Variants in MYCBP2 observed in about 807,000 individuals in gnomAD.
MYCBP2 encodes the protein MYC binding protein 2.
A neutral mutation model predicts 525.3 loss-of-function variants in MYCBP2; 120 were observed. The observed-to-expected ratio is 0.23, with a 90% CI of 0.20 to 0.27. The LOEUF is 0.27. MYCBP2 is among the 10% of genes least tolerant of loss of function. The probability of loss-of-function intolerance (pLI) is 1.00; values close to 1 mark genes in which losing one functional copy is unlikely to be tolerated. For synonymous variants in MYCBP2, 1,894 were observed against 1,955.8 expected (o/e 0.97, Z 0.83); for missense variants, 4,149 against 5,657.1 (o/e 0.73, Z 8.55).
At chr13:77,130,042 A>C (rs1255099886) in intron 52 of MYCBP2, among the ~76,000 whole-genome samples, 1 of 151,832 alleles carries the variant, frequency 6.6e-6, no homozygotes, top group Non-Finnish European at 1.5e-5. Flanking sequence ...TCTTCACAAA[A>C]TGTTTTACTG....
chr13:77,259,318 T>C (rs193207586), intron 13 of MYCBP2, among the ~76,000 whole-genome samples: 3 of 152,134 alleles, frequency 2.0e-5, no homozygotes, highest in Non-Finnish European at 2.9e-5. Context: ...AACCATTCAA[T>C]ACCACTTCCC....
At position 77,098,650 on chromosome 13, in the gene MYCBP2, G is replaced by A. The variant is rs762606037; in HGVS notation, c.8504C>T (p.Ser2835Leu). 2.5e-6 allele frequency: 4 copies of A among 1,613,552 alleles called. No individual in the cohort carries two copies. Among genetic ancestry groups the A allele is most frequent in the South Asian group, 2.2e-5 (2 of 91,058 alleles). Residue 2835 changes from serine (S) to leucine (L), a missense_variant, in exon 56 of 83, where the codon TCG becomes TTG. Coordinates refer to ENST00000544440, the MANE Select transcript of MYCBP2 (RefSeq NM_015057.5). ...GGAGGAGCGTGGAGAACTAGCACCC[G>A]ATGGGCTAGACCTATTGGCTGGGAG... ...KTLPANRSSP[S>L]GASSPRSSSP...
intron 3 of MYCBP2, among the ~76,000 whole-genome samples, chr13:77,287,772 GC>G (rs1359429670): frequency 6.6e-6 from 1 of 152,060 alleles, no homozygotes; most frequent in African/African-American, 2.4e-5. Context: ...GCTTTCCAGG[GC>G]TCTTGGCTTT....
chr13:77,062,561 A>C, intron 74 of MYCBP2, 35 bp downstream of exon 74: 3 of 1,562,184 alleles, frequency 1.9e-6, no homozygotes, highest in Non-Finnish European at 2.6e-6. Flanking sequence ...CTGTAAAGGA[A>C]AGCAAGATAA....
chr13:77,097,476 C>T lies in MYCBP2; in HGVS notation c.9678G>A (p.Glu3226=), dbSNP rs141406246. The T allele has an allele frequency of 1.9e-6, 3 of 1,613,420 alleles. No homozygotes were observed. Among genetic ancestry groups the T allele is most frequent in the African/African-American group, 1.3e-5 (1 of 75,022 alleles). Residue 3226 remains glutamate, a synonymous_variant, in exon 56 of 83, where the codon GAG becomes GAA. Coordinates refer to ENST00000544440, the MANE Select transcript of MYCBP2 (RefSeq NM_015057.5). ...EVRPRGNLFG[E]MAQLAVGGPE... ...GTCCTCCTACTGCCAGCTGGGCCAT[C>T]TCTCCAAACAAATTACCCCTGGGCC...
intron 23 of MYCBP2, among the ~76,000 whole-genome samples, chr13:77,207,296 T>A (rs1427219495): frequency 6.6e-6 from 1 of 152,192 alleles, no homozygotes; most frequent in Non-Finnish European, 1.5e-5. Context: ...ACAGATAGAA[T>A]GGATGTGGAT....
At chr13:77,090,710 G>A (rs879304664) in intron 59 of MYCBP2, 1 of 152,320 alleles carries the variant, frequency 6.6e-6, no homozygotes, top group Non-Finnish European at 1.5e-5. Flanking sequence ...TGTTCTGTGA[G>A]GTTTCTCACT....
intron 31 of MYCBP2, 26 bp downstream of exon 31, chr13:77,185,845 A>AGTC: frequency 3.4e-6 from 5 of 1,490,032 alleles, no homozygotes; most frequent in Non-Finnish European, 4.5e-6. Flanking sequence ...TTCTCCCTAT[A>AGTC]GTCATTTAAA....
In MYCBP2 at chr13:77,057,523, G is replaced by A. The variant is rs946255527; in HGVS notation, c.13330-430C>T. Among the ~76,000 whole-genome samples the A allele has an allele frequency of 2.0e-5, 3 of 152,288 alleles. No individual in the cohort carries two copies. The South Asian group carries it at 6.2e-4, about 32-fold the overall frequency. On this transcript the variant is annotated intron_variant, in intron 78 of 82. Coordinates refer to ENST00000544440, the MANE Select transcript of MYCBP2 (RefSeq NM_015057.5). ...AAACCTATTTAGTGCACAGTAACTT[G>A]TGTATGTATAGAAGTATGTATCATT...
chr13:77,048,156 T>C lies in MYCBP2; in HGVS notation c.13922-2663A>G, dbSNP rs374562517. On this transcript the variant is annotated intron_variant, in intron 82 of 82. Coordinates refer to ENST00000544440, the MANE Select transcript of MYCBP2 (RefSeq NM_015057.5). ...GGAGCTGTGGGAGGTGATGAGGTCA[T>C]GGGGTGGAATCCATGAATGGGATTA... is the stretch of plus-strand genomic sequence containing the variant. Among the ~76,000 whole-genome samples the C allele has an allele frequency of 3.9e-5, 6 of 152,110 alleles. No individual in the cohort carries two copies. The East Asian group carries it at 1.2e-3, about 29-fold the overall frequency.
At chr13:77,101,761 A>G (rs986162904) in intron 55 of MYCBP2, among the ~76,000 whole-genome samples, 1 of 151,838 alleles carries the variant, frequency 6.6e-6, no homozygotes, top group Non-Finnish European at 1.5e-5. Context: ...TTTATATATT[A>G]AAAAAAACTA....
At position 77,210,080 on chromosome 13, in the gene MYCBP2, C is replaced by T. The variant is rs139807523; in HGVS notation, c.3416+1087G>A. The stretch of plus-strand genomic sequence containing the variant: ...CCGCAAAAGGAAAGAAGTGCTCAGC[C>T]CTGTGATGAGCCACTGTGGTGATGG... On this transcript the variant is annotated intron_variant, in intron 23 of 82. Transcript: ENST00000544440. 1.2e-4 allele frequency among the ~76,000 whole-genome samples: 19 copies of T among 152,268 alleles called. No individual in the cohort carries two copies. In the East Asian group the frequency reaches 3.5e-3, roughly 28 times the overall value.
chr13:77,162,737 A>T (rs954412242), intron 43 of MYCBP2, among the ~76,000 whole-genome samples: 5 of 151,956 alleles, frequency 3.3e-5, no homozygotes, highest in African/African-American at 9.7e-5. Context: ...GCTCACTGCA[A>T]CCTCCACCTC....
Position 77,273,539 on chromosome 13 carries a change from C to T in MYCBP2, c.878G>A (p.Gly293Glu). 1 of 1,613,612 alleles carries T rather than the reference C, an allele frequency of 6.2e-7. No individual in the cohort carries two copies. The highest frequency in any genetic ancestry group is 8.5e-7 in the Non-Finnish European group (1 of 1,179,800). The change falls in exon 5 of 83, where the codon GGA becomes GAA. Residue 293 changes from glycine to glutamate, a missense_variant. This residue lies in a region of MYCBP2 where 413 missense variants were observed against 451.2 expected (regional missense o/e 0.92). Transcript: ENST00000544440. ...FSLVASWGETGRTLQAISAIL... is the reference protein window; with the variant it reads ...FSLVASWGETERTLQAISAIL... ...AGCAGAGATGGCCTGAAGTGTCCTT[C>T]CTGTTTCTCCCCAAGAAGCCACCAG... is the stretch of plus-strand genomic sequence containing the variant.
intron 55 of MYCBP2, among the ~76,000 whole-genome samples, chr13:77,108,709 T>A (rs79678147): frequency 0.037 from 5,362 of 143,460 alleles, 232 homozygotes; most frequent in East Asian, 0.18. Flanking sequence ...TACTTTATTT[T>A]TTTTTTTTTT....
chr13:77,150,923 A>C lies in MYCBP2; in HGVS notation c.6942T>G (p.Ser2314=). The C allele has an allele frequency of 6.2e-7, 1 of 1,614,020 alleles. No individual in the cohort carries two copies. Among genetic ancestry groups the C allele is most frequent in the Non-Finnish European group, 8.5e-7 (1 of 1,179,974 alleles). The change falls in exon 47 of 83, where the codon TCT becomes TCG. Residue 2314 remains serine (S), a synonymous_variant. Transcript: ENST00000544440. ...CTTGTTGTAAAGACATTTTTTTCTG[A>C]GAAACAGGGACAGCTTTCACTTCCA... ...MKVEVKAVPV[S]QKKMSLQQDQ...
intron 26 of MYCBP2, among the ~76,000 whole-genome samples, chr13:77,199,126 G>T (rs917001912): frequency 6.6e-6 from 1 of 152,208 alleles, no homozygotes; most frequent in African/African-American, 2.4e-5. Flanking sequence ...TCCATCTGAG[G>T]TACCGGGTTC....
intron 4 of MYCBP2, among the ~76,000 whole-genome samples, chr13:77,277,758 T>C (rs1211228298): frequency 2.0e-5 from 3 of 152,200 alleles, no homozygotes; most frequent in Admixed American, 6.5e-5. Flanking sequence ...ATAACTCTGA[T>C]ACATGCTAAT....
intron 70 of MYCBP2, 149 bp from the exon 71 acceptor site, chr13:77,068,013 G>T: frequency 1.4e-6 from 1 of 724,776 alleles, no homozygotes; most frequent in Non-Finnish European, 2.2e-6. Context: ...CTGCAGCCTT[G>T]AACTCCTAGG....
Sources: allele counts gnomAD v4.1 joint callset (sites outside exome capture counted in the v4.1 genomes callset), GRCh38; gene constraint gnomAD v4.1.1; regional missense constraint gnomAD v4.1.1; transcripts MANE v1.5; gene names NCBI Gene and HGNC (gene_info 2026-07-23, HGNC 2026-07-21).